The following MGMT variants were observed in gnomAD, a reference collection of about 807,000 sequenced individuals.
MGMT encodes the protein methylated-DNA--protein-cysteine methyltransferase.
A neutral mutation model predicts 15.9 loss-of-function variants in MGMT; 14 were observed. The observed-to-expected ratio is 0.88, with a 90% CI of 0.58 to 1.37. MGMT has a LOEUF of 1.37. Ranked by LOEUF, MGMT falls within the 40% of genes most tolerant of loss-of-function variation. The pLI, the probability that MGMT is intolerant of heterozygous loss-of-function variation, is 0.00. For synonymous variants in MGMT, 130 were observed against 118.2 expected, an observed-to-expected ratio of 1.10 and a Z score of -0.65; for missense variants, 282 against 268.1, an observed-to-expected ratio of 1.05 and a Z score of -0.36.
In MGMT at chr10:129,520,040, A is replaced by C. The variant is rs187750484; in HGVS notation, c.-12-16201A>C. On this transcript the variant is annotated intron_variant, in intron 1 of 4. Transcript: ENST00000651593. ...AAAAGAATAAAGAAAATTCCAGAAA[A>C]CGTTTGTGACAGCATCACTGTTGAG... Among the ~76,000 whole-genome samples, 527 of 152,080 alleles carry C rather than the reference A, an allele frequency of 3.5e-3. 6 individuals carry two copies. The highest frequency in any genetic ancestry group is 0.012 in the African/African-American group (512 of 41,478).
intron 2 of MGMT, among the ~76,000 whole-genome samples, chr10:129,540,629 A>G (rs1329997890): frequency 6.6e-6 from 1 of 152,224 alleles, no homozygotes; most frequent in Non-Finnish European, 1.5e-5. Context: ...AGAATTTTAA[A>G]CCAGGTGTAT....
At chr10:129,579,568 ACTTTGT>A (rs1281841945) in intron 2 of MGMT, among the ~76,000 whole-genome samples, 4 of 152,144 alleles carry the variant, frequency 2.6e-5, no homozygotes, top group Non-Finnish European at 5.9e-5. Context: ...GTCTTTATTG[ACTTTGT>A]CTTTATTTAC....
chr10:129,614,778 T>C (rs1259934527), intron 2 of MGMT, among the ~76,000 whole-genome samples: 1 of 152,152 alleles, frequency 6.6e-6, no homozygotes, highest in African/African-American at 2.4e-5. Context: ...AAGCCTTGGT[T>C]GGGGGCATTT....
At chr10:129,604,198 A>G (rs1316204775) in intron 2 of MGMT, among the ~76,000 whole-genome samples, 2 of 152,212 alleles carry the variant, frequency 1.3e-5, no homozygotes, top group African/African-American at 2.4e-5. Flanking sequence ...TACGACGCTC[A>G]TCATCTGAAG....
At chr10:129,568,530 TA>T (rs532892365) in intron 2 of MGMT, among the ~76,000 whole-genome samples, 2 of 152,000 alleles carry the variant, frequency 1.3e-5, no homozygotes, top group African/African-American at 2.4e-5. Context: ...ATAGGATAGT[TA>T]AAAAAAACAC....
chr10:129,509,131 CTG>C lies in MGMT; in HGVS notation c.-12-27104_-12-27103del, dbSNP rs370804935. Among the ~76,000 whole-genome samples, 505 of 152,302 alleles carry C rather than the reference CTG, an allele frequency of 3.3e-3. 1 individual carries two copies. The highest frequency in any genetic ancestry group is 0.012 in the African/African-American group (480 of 41,578). Reference sequence around the variant, plus strand: ...CATCACCTGGCTCCACCAGGGTTCTCTGTGTGTTTTCCTTTTGGGTTGAAATT... The same window carrying C: ...CATCACCTGGCTCCACCAGGGTTCTCTGTGTTTTCCTTTTGGGTTGAAATT... On this transcript the variant is annotated intron_variant, in intron 1 of 4. Transcript: ENST00000651593.
rs115951730 is a variant in MGMT, at chr10:129,604,414, C to T, written c.125+68037C>T. 9.4e-3 allele frequency among the ~76,000 whole-genome samples: 1,426 copies of T among 152,166 alleles called. 20 individuals are homozygous for T. Among genetic ancestry groups the T allele is most frequent in the African/African-American group, 0.032 (1,335 of 41,502 alleles). On this transcript the variant is annotated intron_variant, in intron 2 of 4. Coordinates refer to ENST00000651593, the MANE Select transcript of MGMT (RefSeq NM_002412.5). Reference sequence around the variant, plus strand: ...GCAGTGGATGGTGAAGATTTGGTGGCGGTGAATTTGCCCTGGCTCCAGAGG... The same window carrying T: ...GCAGTGGATGGTGAAGATTTGGTGGTGGTGAATTTGCCCTGGCTCCAGAGG...
intron 2 of MGMT, among the ~76,000 whole-genome samples, chr10:129,647,198 G>C (rs1281980737): frequency 6.6e-6 from 1 of 152,180 alleles, no homozygotes; most frequent in Non-Finnish European, 1.5e-5. Flanking sequence ...CCTGCGGAAT[G>C]GTGGTCGCTC....
chr10:129,517,236 G>C (rs569215695), intron 1 of MGMT, among the ~76,000 whole-genome samples: 2 of 152,354 alleles, frequency 1.3e-5, no homozygotes, highest in Admixed American at 1.3e-4. Context: ...GGACCTCAGA[G>C]GTCCTGTGGT....
At chr10:129,588,703 A>T (rs1409659037) in intron 2 of MGMT, among the ~76,000 whole-genome samples, 1 of 152,280 alleles carries the variant, frequency 6.6e-6, no homozygotes, top group African/African-American at 2.4e-5. Context: ...CCCTCAGCCC[A>T]TACTCTCCTC....
intron 2 of MGMT, among the ~76,000 whole-genome samples, chr10:129,562,791 A>G (rs529676971): frequency 6.6e-5 from 10 of 152,172 alleles, no homozygotes; most frequent in Non-Finnish European, 1.2e-4. Flanking sequence ...TGAAGTTAAC[A>G]CCGATCTCAC....
chr10:129,719,034 C>T (rs12771521), intron 3 of MGMT, among the ~76,000 whole-genome samples: 33,321 of 152,054 alleles, frequency 0.22, 3,864 homozygotes, highest in Admixed American at 0.29. Flanking sequence ...AGAGCCGGTC[C>T]GTCTGCCTGC....
intron 1 of MGMT, among the ~76,000 whole-genome samples, chr10:129,474,937 C>G (rs1017179215): frequency 1.3e-4 from 20 of 152,074 alleles, no homozygotes; most frequent in Non-Finnish European, 2.9e-5. Context: ...TTGTCACACC[C>G]ATACATTTTG....
chr10:129,552,072 A>G (rs1415923027), intron 2 of MGMT, among the ~76,000 whole-genome samples: 1 of 152,220 alleles, frequency 6.6e-6, no homozygotes, highest in Non-Finnish European at 1.5e-5. Context: ...TCTCATGGTT[A>G]TGGGCCAAAA....
At chr10:129,664,138 A>C (rs1039425478) in intron 2 of MGMT, among the ~76,000 whole-genome samples, 1 of 152,200 alleles carries the variant, frequency 6.6e-6, no homozygotes, top group African/African-American at 2.4e-5. Context: ...TATGCCCAGG[A>C]ATGCAAGGGT....
At chr10:129,657,703 A>ACACACACACACGCACG (rs1467822718) in intron 2 of MGMT, among the ~76,000 whole-genome samples, 2 of 124,512 alleles carry the variant, frequency 1.6e-5, no homozygotes, top group African/African-American at 6.9e-5. Context: ...ACACACACAC[A>ACACACACACACGCACG]CACGCACACA....
intron 3 of MGMT, among the ~76,000 whole-genome samples, chr10:129,757,785 C>T (rs1848824012): frequency 6.6e-6 from 1 of 152,222 alleles, no homozygotes; most frequent in Non-Finnish European, 1.5e-5. Context: ...AATACAACTG[C>T]ATGTGCTAAT....
chr10:129,680,449 G>A (rs974660066), intron 2 of MGMT, among the ~76,000 whole-genome samples: 1 of 151,512 alleles, frequency 6.6e-6, no homozygotes, highest in African/African-American at 2.4e-5. Context: ...TTACCCGCCA[G>A]CACTGAGACA....
chr10:129,653,691 TCTG>T (rs1236509692), intron 2 of MGMT, among the ~76,000 whole-genome samples: 1 of 152,208 alleles, frequency 6.6e-6, no homozygotes, highest in Non-Finnish European at 1.5e-5. Flanking sequence ...GGCCAATGCT[TCTG>T]CTAAACAAGA....
Sources: gnomAD v4.1 joint callset for allele counts (sites outside exome capture counted in the v4.1 genomes callset) on GRCh38, gnomAD v4.1.1 for gene constraint, MANE v1.5 for transcripts, NCBI Gene and HGNC (gene_info 2026-07-23, HGNC 2026-07-21) for gene names.